The following TSC1 variants were observed in gnomAD, a reference collection of about 807,000 sequenced individuals.
TSC1 encodes hamartin.
In TSC1, 20 loss-of-function variants were observed where a neutral mutation model predicts 124.3. The ratio of observed to expected loss-of-function variants is 0.16; its 90% CI spans 0.11 to 0.23. The LOEUF is 0.23. Ranked by LOEUF, TSC1 falls within the 10% of genes least tolerant of loss-of-function variation. TSC1 has a pLI of 1.00. For synonymous variants in TSC1, 493 were observed against 539.1 expected, an observed-to-expected ratio of 0.91 and a Z score of 1.19; for missense variants, 1,124 against 1,448.5, an observed-to-expected ratio of 0.78 and a Z score of 3.64.
At chr9:132,929,551 T>C (rs1367537820) in intron 2 of TSC1, among the ~76,000 whole-genome samples, 2 of 152,084 alleles carry the variant, frequency 1.3e-5, no homozygotes, top group African/African-American at 2.4e-5. Context: ...TCAGGGCAAA[T>C]CTTCAAAAAC....
chr9:132,905,533 C>A (rs1275432245), intron 15 of TSC1, 48 bp downstream of exon 15: 14 of 1,611,386 alleles, frequency 8.7e-6, no homozygotes, highest in African/African-American at 1.3e-5. Flanking sequence ...CTGTACTTCA[C>A]AATAAAATGG....
At position 132,896,770 on chromosome 9, in the gene TSC1, G is replaced by A. The variant is rs759106092; in HGVS notation, c.2976-16C>T. ...ACAGTCAAGCCTGTAAGAAAGCCGGGGAGGAAAAAAGGAGCTGGTGATTGG... is the reference window on the plus strand; with the variant it reads ...ACAGTCAAGCCTGTAAGAAAGCCGGAGAGGAAAAAAGGAGCTGGTGATTGG... On this transcript the variant is annotated splice_polypyrimidine_tract_variant and intron_variant, in intron 22 of 22. Transcript: ENST00000298552. This position sits in a 1 kb window ranked among gnomAD's most constrained non-coding sequence, Gnocchi z 4.5. 4 of 1,613,332 alleles carry A rather than the reference G, an allele frequency of 2.5e-6. No homozygotes were observed. The highest frequency in any genetic ancestry group is 2.7e-5 in the African/African-American group (2 of 74,872).
intron 2 of TSC1, among the ~76,000 whole-genome samples, chr9:132,932,616 A>G (rs1847260065): frequency 6.6e-6 from 1 of 152,236 alleles, no homozygotes; most frequent in Admixed American, 6.5e-5. Flanking sequence ...ACTCATGAGT[A>G]GCCTACAAGG....
At chr9:132,901,037 C>T (rs571185297) in intron 19 of TSC1, among the ~76,000 whole-genome samples, 200 bp from the exon 20 acceptor site, 3 of 152,272 alleles carry the variant, frequency 2.0e-5, no homozygotes, top group East Asian at 1.9e-4. Context: ...CAGAAACACA[C>T]TTCAGAACTG....
chr9:132,936,293 T>C (rs1847455062), intron 1 of TSC1, among the ~76,000 whole-genome samples: 2 of 152,086 alleles, frequency 1.3e-5, no homozygotes, highest in South Asian at 4.1e-4. Flanking sequence ...CGGTTTCTTT[T>C]AGTTTTAAAG....
intron 1 of TSC1, among the ~76,000 whole-genome samples, chr9:132,938,593 T>C (rs1202357251): frequency 6.6e-6 from 1 of 152,202 alleles, no homozygotes; most frequent in East Asian, 1.9e-4. Flanking sequence ...TTTAGGTGTT[T>C]ACAGACGGAT....
At chr9:132,910,293 C>G in intron 12 of TSC1, 1 of 607,134 alleles carries the variant, frequency 1.6e-6, no homozygotes, top group Non-Finnish European at 2.9e-6. Flanking sequence ...AGAGCAAGAC[C>G]CTGTCTCCAA....
chr9:132,910,497 A>G, intron 12 of TSC1, 74 bp downstream of exon 12: 1 of 1,612,112 alleles, frequency 6.2e-7, no homozygotes, highest in Admixed American at 1.7e-5. Context: ...TGGCATAATT[A>G]GGCTTCTCAA....
In TSC1 at chr9:132,903,862, A is replaced by G. The variant is rs144803930; in HGVS notation, c.2042-45T>C. 212 of 1,610,116 alleles carry G rather than the reference A, an allele frequency of 1.3e-4. No individual in the cohort carries two copies. In the African/African-American group the frequency reaches 2.6e-3, roughly 20 times the overall value. On this transcript the variant is annotated intron_variant, in intron 16 of 22. Coordinates refer to ENST00000298552, the MANE Select transcript of TSC1 (RefSeq NM_000368.5). This position sits in a 1 kb window ranked among gnomAD's most constrained non-coding sequence, Gnocchi z 5.9. ...AGGGTGGCAGAAATGCCTTTTACAGATGGTTCAATCAAGCCCCCTTCCCAT... is the reference window on the plus strand; with the variant it reads ...AGGGTGGCAGAAATGCCTTTTACAGGTGGTTCAATCAAGCCCCCTTCCCAT...
At position 132,896,572 on chromosome 9, in the gene TSC1, T is replaced by C. The variant is rs1309531545; in HGVS notation, c.3158A>G (p.His1053Arg). 1 of 1,614,040 alleles carries C rather than the reference T, an allele frequency of 6.2e-7. No homozygotes were observed. Among genetic ancestry groups the C allele is most frequent in the African/African-American group, 1.3e-5 (1 of 75,028 alleles). ...ACTGCTGAATGGGCCTGCCCTCTGGTGTGGGGGTTTCTCTGGGGTAGAAAG... is the reference window on the plus strand; with the variant it reads ...ACTGCTGAATGGGCCTGCCCTCTGGCGTGGGGGTTTCTCTGGGGTAGAAAG... ...SELSTPEKPP[H>R]QRAGPFSSRW... Residue 1053 changes from histidine to arginine, a missense_variant, in exon 23 of 23, where the codon CAC becomes CGC. His to Arg is a conservative substitution (Grantham distance 29, BLOSUM62 0). Transcript: ENST00000298552. This position sits in a 1 kb window ranked among gnomAD's most constrained non-coding sequence, Gnocchi z 4.5.
chr9:132,933,285 C>T (rs370269727), intron 2 of TSC1, among the ~76,000 whole-genome samples: 30 of 152,204 alleles, frequency 2.0e-4, no homozygotes, highest in African/African-American at 5.3e-4. Context: ...AGGCTGGTCT[C>T]GAACTCCTGA....
At chr9:132,901,373 G>C (rs888090815) in intron 19 of TSC1, among the ~76,000 whole-genome samples, 1 of 152,196 alleles carries the variant, frequency 6.6e-6, no homozygotes, top group African/African-American at 2.4e-5. Flanking sequence ...GCAGCACCCT[G>C]GCTCCTACCC....
Position 132,906,659 on chromosome 9 carries a change from G to T in TSC1, c.1438+72C>A. 7.5e-7 allele frequency: 1 copy of T among 1,339,144 alleles called. No individual in the cohort carries two copies. Among genetic ancestry groups the T allele is most frequent in the Non-Finnish European group, 1.1e-6 (1 of 951,620 alleles). The allele number at this position is 1,339,144 out of a possible 1,614,324, so 83.0% of individuals were successfully genotyped here. The stretch of plus-strand genomic sequence containing the variant: ...AAATCCAGCAAGCCTGTGAGCAATG[G>T]CACAAAATCCCAGATTTATAGCAGA... On this transcript the variant is annotated intron_variant, in intron 14 of 22. Coordinates refer to ENST00000298552, the MANE Select transcript of TSC1 (RefSeq NM_000368.5). The surrounding 1 kb of genome is among the most constrained non-coding windows in gnomAD (Gnocchi z 4.1).
intron 8 of TSC1, among the ~76,000 whole-genome samples, chr9:132,913,873 G>T (rs1846108235): frequency 6.9e-6 from 1 of 144,630 alleles, no homozygotes; most frequent in Admixed American, 6.9e-5. Flanking sequence ...GCCTCCCATG[G>T]GTTTTTTGTT....
intron 1 of TSC1, chr9:132,942,069 G>C (rs1278878762): frequency 6.6e-6 from 1 of 152,062 alleles, no homozygotes; most frequent in African/African-American, 2.4e-5. Context: ...GTTCACTATG[G>C]CCCTGGAACC....
intron 8 of TSC1, among the ~76,000 whole-genome samples, chr9:132,913,874 GTTTTTTGTTTTGTTTTGTTTTTTTTTTT>G (rs1296305745): frequency 8.2e-4 from 114 of 138,830 alleles, no homozygotes; most frequent in African/African-American, 2.9e-3. Context: ...CCTCCCATGG[GTTTTTTGTTTTGTTTTGTTTTTTTTTTT>G]TTTTTTTTTT....
At chr9:132,924,389 G>A (rs13295430) in intron 5 of TSC1, among the ~76,000 whole-genome samples, 16,603 of 152,092 alleles carry the variant, frequency 0.11, 979 homozygotes, top group Admixed American at 0.13. Context: ...CTTTCATTAC[G>A]GAAGATATCC....
At position 132,896,018 on chromosome 9, in the gene TSC1, AG is replaced by A; in HGVS notation, c.*216del. The A allele has an allele frequency of 1.6e-6, 1 of 630,712 alleles. No individual in the cohort carries two copies. The highest frequency in any genetic ancestry group is 2.8e-6 in the Non-Finnish European group (1 of 357,246). The allele number at this position is 630,712 out of a possible 1,614,324, so 39.1% of individuals were successfully genotyped here. ...TAGAACACACTGCGAGGTAAATGAG[AG>A]GGGGTTAGGGCGGGTGGAGGGGAAG... On this transcript the variant is annotated 3_prime_UTR_variant, in exon 23 of 23. Transcript: ENST00000298552. This position sits in a 1 kb window ranked among gnomAD's most constrained non-coding sequence, Gnocchi z 4.5.
chr9:132,910,526 G>C, intron 12 of TSC1, 45 bp downstream of exon 12: 1 of 1,613,784 alleles, frequency 6.2e-7, no homozygotes, highest in Non-Finnish European at 8.5e-7. Context: ...TTGCAAGTGA[G>C]TCACTGTGCC....
Sources: allele counts gnomAD v4.1 joint callset (sites outside exome capture counted in the v4.1 genomes callset), GRCh38; gene constraint gnomAD v4.1.1; non-coding constraint Gnocchi (gnomAD v3.1); transcripts MANE v1.5; gene names NCBI Gene and HGNC (gene_info 2026-07-23, HGNC 2026-07-21).